Variants in CMC1 observed in about 807,000 individuals in gnomAD.
CMC1 encodes COX assembly mitochondrial protein homolog.
Under a neutral mutation model 14.1 loss-of-function variants are expected in CMC1, and 14 were observed. That is an observed-to-expected ratio of 0.99 (90% CI 0.66 to 1.55). CMC1 has a LOEUF of 1.55. Among genes scored for constraint, CMC1 ranks in the 40% most tolerant of loss-of-function variants. The pLI is 0.00. For missense variants in CMC1, 127 were observed against 123.8 expected (o/e 1.03, Z -0.12); for synonymous variants, 50 against 38.4 (o/e 1.30, Z -1.12).
At chr3:28,292,543 A>G (rs1343768400) in intron 2 of CMC1, among the ~76,000 whole-genome samples, 1 of 152,044 alleles carries the variant, frequency 6.6e-6, no homozygotes, top group Non-Finnish European at 1.5e-5. Context: ...CTGGGTTTTT[A>G]CTTCAGCTTA....
Position 28,269,205 on chromosome 3 carries a change from C to T in CMC1, c.109+5825C>T, listed in dbSNP as rs1588668. ...CACTAGGGGGCTTAGAACGTATCCC[C>T]CATGCATAACAGGGGACTACTGTAT... is the stretch of plus-strand genomic sequence containing the variant. On this transcript the variant is annotated intron_variant, in intron 2 of 3. Transcript: ENST00000466830. Among the ~76,000 whole-genome samples, 72 of 152,218 alleles carry T rather than the reference C, an allele frequency of 4.7e-4. 1 individual carries two copies. The South Asian group carries it at 6.2e-3, about 13-fold the overall frequency.
intron 2 of CMC1, among the ~76,000 whole-genome samples, chr3:28,277,701 T>C (rs1306468931): frequency 6.6e-6 from 1 of 152,106 alleles, no homozygotes; most frequent in Non-Finnish European, 1.5e-5. Flanking sequence ...AATTCAGATA[T>C]CTCTGAGAAG....
chr3:28,318,245 A>G (rs1703031110), intron 3 of CMC1: 1 of 151,782 alleles, frequency 6.6e-6, no homozygotes, highest in East Asian at 2.0e-4. Context: ...TTAATACACT[A>G]TGATCTGATT....
At chr3:28,262,183 A>G (rs1166614723) in intron 1 of CMC1, among the ~76,000 whole-genome samples, 6 of 152,014 alleles carry the variant, frequency 3.9e-5, no homozygotes, top group South Asian at 2.1e-4. Flanking sequence ...TCTGATTCTC[A>G]TTCCTTTATG....
At chr3:28,260,417 G>A (rs1699675645) in intron 1 of CMC1, among the ~76,000 whole-genome samples, 1 of 151,782 alleles carries the variant, frequency 6.6e-6, no homozygotes, top group African/African-American at 2.4e-5. Flanking sequence ...AAGTTCATTG[G>A]CCTAAATTTG....
chr3:28,252,220 A>G (rs925016515), intron 1 of CMC1, among the ~76,000 whole-genome samples: 4 of 152,188 alleles, frequency 2.6e-5, no homozygotes, highest in Admixed American at 6.5e-5. Context: ...AATAGGTGCT[A>G]TTGGGAAATG....
At chr3:28,300,220 C>T (rs1412735511) in intron 2 of CMC1, among the ~76,000 whole-genome samples, 2 of 152,020 alleles carry the variant, frequency 1.3e-5, no homozygotes, top group Non-Finnish European at 2.9e-5. Context: ...AGTAGTGTGA[C>T]TTTTGATAGT....
chr3:28,281,051 T>G (rs1271157642), intron 2 of CMC1, among the ~76,000 whole-genome samples: 1 of 152,224 alleles, frequency 6.6e-6, no homozygotes, highest in Non-Finnish European at 1.5e-5. Flanking sequence ...CTTTGGCTCT[T>G]TACCGAAAAC....
In CMC1 at chr3:28,295,283, A is replaced by G. The variant is rs867709048; in HGVS notation, c.110-21050A>G. Among the ~76,000 whole-genome samples, 9 of 152,214 alleles carry G rather than the reference A, an allele frequency of 5.9e-5. No individual in the cohort carries two copies. The South Asian group carries it at 1.2e-3, about 21-fold the overall frequency. ...CTATGCCTTCTCTTTAGACTAGGCTACCTTACCCATGTTGTGTTTAGGAAT... is the reference window on the plus strand; with the variant it reads ...CTATGCCTTCTCTTTAGACTAGGCTGCCTTACCCATGTTGTGTTTAGGAAT... On this transcript the variant is annotated intron_variant, in intron 2 of 3. Transcript: ENST00000466830.
At chr3:28,279,581 G>A (rs1000496375) in intron 2 of CMC1, among the ~76,000 whole-genome samples, 3 of 150,896 alleles carry the variant, frequency 2.0e-5, no homozygotes, top group African/African-American at 7.3e-5. Context: ...AAATATGTTT[G>A]CAATGAATAA....
intron 1 of CMC1, among the ~76,000 whole-genome samples, chr3:28,243,917 C>G (rs1206968584): frequency 6.6e-6 from 1 of 152,162 alleles, no homozygotes; most frequent in African/African-American, 2.4e-5. Flanking sequence ...AGAGATTAGT[C>G]AGTGAAGAGC....
chr3:28,300,247 A>G (rs1701955886), intron 2 of CMC1, among the ~76,000 whole-genome samples: 1 of 152,178 alleles, frequency 6.6e-6, no homozygotes, highest in African/African-American at 2.4e-5. Flanking sequence ...TTACACTGGA[A>G]TACTGTTTTT....
intron 2 of CMC1, among the ~76,000 whole-genome samples, chr3:28,313,143 A>G (rs1282905140): frequency 1.3e-5 from 2 of 152,156 alleles, no homozygotes; most frequent in Non-Finnish European, 2.9e-5. Flanking sequence ...GGCGTGAGCC[A>G]CCGTGCCTGG....
Position 28,322,652 on chromosome 3 carries a change from C to G in CMC1, c.*3023C>G, listed in dbSNP as rs370365467. 7 of 151,574 alleles carry G rather than the reference C, an allele frequency of 4.6e-5. No homozygotes were observed. Among genetic ancestry groups the G allele is most frequent in the African/African-American group, 1.7e-4 (7 of 41,406 alleles). The allele number at this position is 151,574 out of a possible 1,614,324, so 9.4% of individuals were successfully genotyped here. On this transcript the variant is annotated 3_prime_UTR_variant, in exon 4 of 4. Coordinates refer to ENST00000466830, the MANE Select transcript of CMC1 (RefSeq NM_182523.2). ...TATTGGGTTTGGTTCTATTACTTGG[C>G]AGGAGATTGTACTCCCCTGAGTCAG...
chr3:28,246,762 C>T (rs1212488669), intron 1 of CMC1, among the ~76,000 whole-genome samples: 1 of 147,148 alleles, frequency 6.8e-6, no homozygotes. Flanking sequence ...ATATTTGCTT[C>T]TCATCAAATA....
chr3:28,248,320 A>G (rs929606300), intron 1 of CMC1, among the ~76,000 whole-genome samples: 1 of 152,188 alleles, frequency 6.6e-6, no homozygotes, highest in African/African-American at 2.4e-5. Context: ...ATTATAGAAG[A>G]TTGGCCACCT....
intron 2 of CMC1, among the ~76,000 whole-genome samples, chr3:28,280,185 C>G (rs766753350): frequency 7.2e-5 from 11 of 152,038 alleles, no homozygotes; most frequent in Non-Finnish European, 1.3e-4. Context: ...CTAGAACAGG[C>G]AACATTTATA....
intron 1 of CMC1, among the ~76,000 whole-genome samples, chr3:28,249,067 G>A (rs1280086957): frequency 1.3e-5 from 2 of 152,236 alleles, no homozygotes. Flanking sequence ...TGGGATTACA[G>A]GCGTGAGCCA....
intron 1 of CMC1, among the ~76,000 whole-genome samples, chr3:28,259,991 T>C (rs1353802552): frequency 6.6e-6 from 1 of 152,174 alleles, no homozygotes; most frequent in African/African-American, 2.4e-5. Flanking sequence ...AGAAGTTCTC[T>C]TCTGTTCCAC....
Sources: gnomAD v4.1 joint callset for allele counts (sites outside exome capture counted in the v4.1 genomes callset) on GRCh38, gnomAD v4.1.1 for gene constraint, MANE v1.5 for transcripts, NCBI Gene and HGNC (gene_info 2026-07-23, HGNC 2026-07-21) for gene names.